CPQ: variants seen among roughly 807,000 people sequenced by gnomAD.
The protein encoded by CPQ is carboxypeptidase Q.
A neutral mutation model predicts 45.7 loss-of-function variants in CPQ; 37 were observed. That is an observed-to-expected ratio of 0.81 (90% CI 0.62 to 1.07). The LOEUF is 1.07. Among genes scored for constraint, CPQ ranks in the 50% least tolerant of loss-of-function variants. The pLI, the probability that CPQ is intolerant of heterozygous loss-of-function variation, is 0.00. For synonymous variants in CPQ, 186 were observed against 205.8 expected (o/e 0.90, Z 0.82); for missense variants, 537 against 572.9 (o/e 0.94, Z 0.64).
chr8:96,843,291 G>A (rs1002896407), intron 3 of CPQ, among the ~76,000 whole-genome samples: 3 of 152,056 alleles, frequency 2.0e-5, no homozygotes, highest in Admixed American at 6.6e-5. Flanking sequence ...CTATTATACA[G>A]TCTTATTAAC....
chr8:97,064,999 A>C (rs1183878547), intron 6 of CPQ, among the ~76,000 whole-genome samples: 1 of 152,224 alleles, frequency 6.6e-6, no homozygotes, highest in African/African-American at 2.4e-5. Context: ...TGAGTTGCCA[A>C]AGAACACCAA....
At chr8:96,946,635 C>T (rs1353275934) in intron 4 of CPQ, among the ~76,000 whole-genome samples, 1 of 143,976 alleles carries the variant, frequency 6.9e-6, no homozygotes, top group East Asian at 2.2e-4. Context: ...TTAACATGCC[C>T]CTCCATAATT....
chr8:96,886,745 T>G (rs1812311723), intron 4 of CPQ, among the ~76,000 whole-genome samples: 1 of 152,224 alleles, frequency 6.6e-6, no homozygotes, highest in South Asian at 2.1e-4. Flanking sequence ...ATGCCTTAGT[T>G]GAATGGTGTA....
intron 1 of CPQ, among the ~76,000 whole-genome samples, chr8:96,751,429 T>A (rs1376999650): frequency 6.6e-6 from 1 of 152,254 alleles, no homozygotes; most frequent in Non-Finnish European, 1.5e-5. Context: ...GTTGCATGAA[T>A]GTCTTCTTTT....
chr8:96,765,554 C>T (rs1810457106), intron 1 of CPQ, among the ~76,000 whole-genome samples: 1 of 151,752 alleles, frequency 6.6e-6, no homozygotes, highest in South Asian at 2.1e-4. Context: ...TATTTATTTT[C>T]AACCAGGGAA....
chr8:97,015,995 G>T (rs895404298), intron 5 of CPQ, among the ~76,000 whole-genome samples: 1 of 151,854 alleles, frequency 6.6e-6, no homozygotes, highest in Non-Finnish European at 1.5e-5. Flanking sequence ...AGTTGTTTTG[G>T]TTTCTAATTT....
intron 2 of CPQ, among the ~76,000 whole-genome samples, chr8:96,813,566 G>T (rs1563503443): frequency 1.3e-5 from 2 of 152,120 alleles, no homozygotes; most frequent in African/African-American, 4.8e-5. Flanking sequence ...GGAATTAAAT[G>T]GGGAACTCAG....
intron 7 of CPQ, among the ~76,000 whole-genome samples, chr8:97,105,328 T>C (rs1811386406): frequency 6.6e-6 from 1 of 152,242 alleles, no homozygotes; most frequent in African/African-American, 2.4e-5. Flanking sequence ...TGTCCTTTTG[T>C]GACTGGCTTA....
intron 5 of CPQ, among the ~76,000 whole-genome samples, chr8:97,021,568 A>G (rs1008255461): frequency 4.6e-5 from 7 of 152,170 alleles, no homozygotes; most frequent in Non-Finnish European, 1.0e-4. Flanking sequence ...ACCAATAGTG[A>G]CCAAACTGAG....
intron 7 of CPQ, among the ~76,000 whole-genome samples, chr8:97,075,312 T>G (rs549485828): frequency 2.4e-3 from 369 of 152,218 alleles, no homozygotes; most frequent in Non-Finnish European, 4.1e-3. Context: ...TCTTCCCCTT[T>G]TAGGGTCTCA....
intron 1 of CPQ, among the ~76,000 whole-genome samples, chr8:96,683,090 G>T (rs2455053): frequency 0.71 from 107,679 of 151,918 alleles, 38,569 homozygotes; most frequent in Middle Eastern, 0.82. Context: ...TCACTTCTTT[G>T]TCTTTCTCAT....
chr8:97,002,234 T>C (rs1809296494), intron 5 of CPQ, among the ~76,000 whole-genome samples: 1 of 152,184 alleles, frequency 6.6e-6, no homozygotes, highest in Non-Finnish European at 1.5e-5. Context: ...GTTGATCTTT[T>C]TAATGGCTTT....
At chr8:96,835,971 G>A (rs1047931445) in intron 3 of CPQ, among the ~76,000 whole-genome samples, 7 of 152,100 alleles carry the variant, frequency 4.6e-5, no homozygotes, top group African/African-American at 1.7e-4. Context: ...TGGATAAAAA[G>A]TCTAAAAACT....
At chr8:97,018,740 A>T (rs541841743) in intron 5 of CPQ, among the ~76,000 whole-genome samples, 1 of 152,192 alleles carries the variant, frequency 6.6e-6, no homozygotes, top group Admixed American at 6.5e-5. Context: ...ATTATGTTAA[A>T]CTACAAAACC....
chr8:96,652,774 C>T (rs534741699), intron 1 of CPQ, among the ~76,000 whole-genome samples: 12 of 151,818 alleles, frequency 7.9e-5, no homozygotes, highest in Non-Finnish European at 1.2e-4. Flanking sequence ...CTGGGACTAC[C>T]GGCGCCCGCC....
chr8:96,919,564 G>A (rs1812780761), intron 4 of CPQ, among the ~76,000 whole-genome samples: 1 of 151,988 alleles, frequency 6.6e-6, no homozygotes, highest in South Asian at 2.1e-4. Context: ...TGTCAATGTT[G>A]GGCTGAAACT....
At chr8:96,961,644 C>T (rs1209260507) in intron 4 of CPQ, among the ~76,000 whole-genome samples, 1 of 152,160 alleles carries the variant, frequency 6.6e-6, no homozygotes, top group Admixed American at 6.5e-5. Flanking sequence ...CTCTGTTGCA[C>T]TTAAAACTAT....
intron 1 of CPQ, among the ~76,000 whole-genome samples, chr8:96,650,649 C>T (rs1815567115): frequency 6.6e-6 from 1 of 152,136 alleles, no homozygotes. Flanking sequence ...CTGCAGTGTG[C>T]CTCCTTCCCT....
intron 6 of CPQ, 136 bp downstream of exon 6, chr8:97,029,630 T>G: frequency 1.4e-6 from 1 of 725,130 alleles, no homozygotes; most frequent in East Asian, 2.8e-5. Context: ...GCCTTCTCCC[T>G]CCAGCCCTGT....
Sources: allele counts gnomAD v4.1 joint callset (sites outside exome capture counted in the v4.1 genomes callset), GRCh38; gene constraint gnomAD v4.1.1; transcripts MANE v1.5; gene names NCBI Gene and HGNC (gene_info 2026-07-23, HGNC 2026-07-21).